HSF5: variants seen among roughly 807,000 people sequenced by gnomAD.
HSF5 encodes the protein heat shock factor protein 5.
Under a neutral mutation model 50.8 loss-of-function variants are expected in HSF5, and 5 were observed. The ratio of observed to expected loss-of-function variants is 0.10; its 90% CI spans 0.05 to 0.21. The LOEUF (loss-of-function observed/expected upper bound fraction) is 0.21. Among genes scored for constraint, HSF5 ranks in the 10% least tolerant of loss-of-function variants. The pLI, the probability that HSF5 is intolerant of heterozygous loss-of-function variation, is 1.00. For synonymous variants in HSF5, 307 were observed against 307.4 expected (o/e 1.00, Z 0.02); for missense variants, 564 against 762.6 (o/e 0.74, Z 3.07).
chr17:58,473,766 T>G (rs1321390785), intron 2 of HSF5, among the ~76,000 whole-genome samples: 1 of 152,224 alleles, frequency 6.6e-6, no homozygotes, highest in Non-Finnish European at 1.5e-5. Context: ...GTTTCAATGT[T>G]TGACTTTACT....
chr17:58,447,158 T>G (rs1380924488), intron 5 of HSF5, among the ~76,000 whole-genome samples: 1 of 152,086 alleles, frequency 6.6e-6, no homozygotes, highest in Non-Finnish European at 1.5e-5. Context: ...CAGGGGACTC[T>G]GTCTAGGAAC....
Position 58,487,822 on chromosome 17 carries a change from G to A in HSF5, c.453C>T (p.Arg151=), listed in dbSNP as rs909528444. 2 of 1,574,186 alleles carry A rather than the reference G, an allele frequency of 1.3e-6. No homozygotes were observed. Among genetic ancestry groups the A allele is most frequent in the Non-Finnish European group, 1.7e-6 (2 of 1,168,430 alleles). ...CCGAGGTGATGAGCAGCCGCTGGAAGCGGTTGGGCGGGCGGCAGGGCACCT... is the reference window on the plus strand; with the variant it reads ...CCGAGGTGATGAGCAGCCGCTGGAAACGGTTGGGCGGGCGGCAGGGCACCT... ...GLEVPCRPPN[R]FQRLLITSAS... Residue 151 remains arginine (R), a synonymous_variant, in exon 1 of 6, where the codon CGC becomes CGT. Coordinates refer to ENST00000323777, the MANE Select transcript of HSF5 (RefSeq NM_001080439.3).
chr17:58,435,796 G>A (rs1974420653), intron 5 of HSF5, among the ~76,000 whole-genome samples: 1 of 151,378 alleles, frequency 6.6e-6, no homozygotes, highest in Non-Finnish European at 1.5e-5. Flanking sequence ...CTACTCGGGA[G>A]GCTGAGGCAG....
In HSF5 at chr17:58,424,666, G is replaced by C. The variant is rs942743194; in HGVS notation, c.1721-2236C>G. ...CCAGGAGTGGTGGCACATGCCTGTA[G>C]CCCCAGCTACTCAGAAGGCTGAGGC... is the stretch of plus-strand genomic sequence containing the variant. On this transcript the variant is annotated intron_variant, in intron 5 of 5. Transcript: ENST00000323777. Among the ~76,000 whole-genome samples, 52 of 150,370 alleles carry C rather than the reference G, an allele frequency of 3.5e-4. 1 individual carries two copies.
At chr17:58,465,624 CA>C (rs11309055) in intron 3 of HSF5, among the ~76,000 whole-genome samples, 119,073 of 143,866 alleles carry the variant, frequency 0.83, 49,009 homozygotes, top group East Asian at 0.91. Flanking sequence ...AGATTTTCTC[CA>C]AAAAAAAAAA....
At chr17:58,459,599 ATT>A (rs1974762282) in intron 4 of HSF5, among the ~76,000 whole-genome samples, 1 of 147,650 alleles carries the variant, frequency 6.8e-6, no homozygotes, top group South Asian at 2.2e-4. Context: ...GTGAGCCGAG[ATT>A]GTACCACTGC....
chr17:58,487,287 G>C (rs1349221949), intron 1 of HSF5, among the ~76,000 whole-genome samples: 2 of 152,180 alleles, frequency 1.3e-5, no homozygotes, highest in South Asian at 2.1e-4. Context: ...CTTCCCACGG[G>C]AGCAAAGGAG....
intron 4 of HSF5, among the ~76,000 whole-genome samples, chr17:58,459,687 C>T (rs1217672561): frequency 2.0e-5 from 3 of 151,618 alleles, no homozygotes; most frequent in South Asian, 2.1e-4. Flanking sequence ...GACAGGGTCT[C>T]GCTATGTTGC....
intron 5 of HSF5, among the ~76,000 whole-genome samples, chr17:58,444,010 G>C (rs1974527887): frequency 6.6e-6 from 1 of 152,042 alleles, no homozygotes; most frequent in African/African-American, 2.4e-5. Context: ...GAATAAAATA[G>C]GAATAAATCT....
intron 2 of HSF5, chr17:58,476,945 G>A (rs1975019895): frequency 1.3e-5 from 9 of 704,186 alleles, no homozygotes; most frequent in South Asian, 6.8e-5. Context: ...GGCAGCGGAC[G>A]CCCATGTGGC....
At chr17:58,439,807 A>G (rs1974476110) in intron 5 of HSF5, among the ~76,000 whole-genome samples, 1 of 152,204 alleles carries the variant, frequency 6.6e-6, no homozygotes, top group African/African-American at 2.4e-5. Context: ...TTAGTAGCCA[A>G]ATTTTTAAAA....
intron 5 of HSF5, among the ~76,000 whole-genome samples, chr17:58,449,150 T>G (rs1974600987): frequency 6.6e-6 from 1 of 151,852 alleles, no homozygotes; most frequent in South Asian, 2.1e-4. Context: ...ACACTAAAAA[T>G]AAAAAGCAAG....
chr17:58,477,362 C>G (rs187268624), intron 2 of HSF5, among the ~76,000 whole-genome samples: 82 of 151,820 alleles, frequency 5.4e-4, no homozygotes, highest in Middle Eastern at 6.8e-3. Flanking sequence ...CCTCATGAAT[C>G]GCCCGCCTCA....
chr17:58,482,350 C>A (rs1282488753), intron 1 of HSF5, among the ~76,000 whole-genome samples: 1 of 152,066 alleles, frequency 6.6e-6, no homozygotes, highest in African/African-American at 2.4e-5. Context: ...CTAATCCCAG[C>A]ACTTTGCGAG....
chr17:58,477,065 C>A (rs1013428357), intron 2 of HSF5: 5 of 493,674 alleles, frequency 1.0e-5, no homozygotes, highest in Non-Finnish European at 1.8e-5. Context: ...CTCCTCCCAG[C>A]GCTGCCCTCG....
At chr17:58,474,505 T>C (rs1974985405) in intron 2 of HSF5, among the ~76,000 whole-genome samples, 1 of 152,218 alleles carries the variant, frequency 6.6e-6, no homozygotes, top group Non-Finnish European at 1.5e-5. Flanking sequence ...TTGTTCTTTT[T>C]TTAATGCCTC....
chr17:58,431,208 CTCTT>C (rs1435480756), intron 5 of HSF5, among the ~76,000 whole-genome samples: 2 of 152,150 alleles, frequency 1.3e-5, no homozygotes, highest in Non-Finnish European at 2.9e-5. Flanking sequence ...TCTATTAAAC[CTCTT>C]TCTTTTGTAA....
chr17:58,452,284 G>T (rs916411707), intron 5 of HSF5, among the ~76,000 whole-genome samples: 1 of 151,704 alleles, frequency 6.6e-6, no homozygotes, highest in African/African-American at 2.4e-5. Context: ...AAGAAAGAAA[G>T]AAATAATAAA....
At chr17:58,438,365 T>C (rs1034377009) in intron 5 of HSF5, among the ~76,000 whole-genome samples, 1 of 152,178 alleles carries the variant, frequency 6.6e-6, no homozygotes, top group Non-Finnish European at 1.5e-5. Flanking sequence ...GTAAGTACAA[T>C]TCACAATGTT....
Sources: allele counts gnomAD v4.1 joint callset (sites outside exome capture counted in the v4.1 genomes callset), GRCh38; gene constraint gnomAD v4.1.1; transcripts MANE v1.5; gene names NCBI Gene and HGNC (gene_info 2026-07-23, HGNC 2026-07-21).